The following LIFR variants were observed in gnomAD, a reference collection of about 807,000 sequenced individuals.
LIFR encodes the protein leukemia inhibitory factor receptor.
A neutral mutation model predicts 122.2 loss-of-function variants in LIFR; 84 were observed. The ratio of observed to expected loss-of-function variants is 0.69; its 90% CI spans 0.58 to 0.82. The LOEUF (loss-of-function observed/expected upper bound fraction) is 0.82. Ranked by LOEUF, LIFR falls within the 40% of genes least tolerant of loss-of-function variation. LIFR has a pLI of 0.00. For synonymous variants in LIFR, 422 were observed against 434.7 expected (o/e 0.97, Z 0.36); for missense variants, 1,294 against 1,311.6 (o/e 0.99, Z 0.21).
chr5:38,475,357 T>G lies in LIFR; in HGVS notation c.*6238A>C, dbSNP rs1239470445. On this transcript the variant is annotated 3_prime_UTR_variant, in exon 20 of 20. Coordinates refer to ENST00000453190, the MANE Select transcript of LIFR (RefSeq NM_001127671.2). ...TGTACTTCATCTATAGTTTTCTTCCTGTATAAGTGTATTGAAATGTTTCCT... is the reference window on the plus strand; with the variant it reads ...TGTACTTCATCTATAGTTTTCTTCCGGTATAAGTGTATTGAAATGTTTCCT... 5.1e-6 allele frequency: 1 copy of G among 196,012 alleles called. No individual in the cohort carries two copies. Among genetic ancestry groups the G allele is most frequent in the Non-Finnish European group, 1.1e-5 (1 of 94,256 alleles). The allele number at this position is 196,012 out of a possible 1,614,324, so 12.1% of individuals were successfully genotyped here. A position where few individuals can be genotyped will look rare whatever the true frequency, so the allele number is the denominator to read the frequency against.
chr5:38,492,170 G>A (rs1488755541), intron 14 of LIFR, among the ~76,000 whole-genome samples: 2 of 152,162 alleles, frequency 1.3e-5, no homozygotes, highest in African/African-American at 4.8e-5. Context: ...TTGAACCTGG[G>A]TTCTATCACA....
intron 14 of LIFR, chr5:38,490,616 C>A: frequency 7.9e-6 from 1 of 126,160 alleles, no homozygotes; most frequent in African/African-American, 3.5e-5. Flanking sequence ...TTTTTTTTTT[C>A]TTTGACGGAG....
chr5:38,535,601 T>C (rs533504719), intron 1 of LIFR, among the ~76,000 whole-genome samples: 172 of 152,284 alleles, frequency 1.1e-3, no homozygotes, highest in Non-Finnish European at 2.0e-3. Flanking sequence ...AGAAAGAGTT[T>C]GCTGACTTCT....
chr5:38,606,756 C>T (rs1027262486), intron 1 of LIFR, among the ~76,000 whole-genome samples: 3 of 152,228 alleles, frequency 2.0e-5, no homozygotes, highest in African/African-American at 7.2e-5. Flanking sequence ...GCCTGTCCCA[C>T]TGCCAAGCCC....
chr5:38,497,359 C>T (rs1343003221), intron 12 of LIFR, among the ~76,000 whole-genome samples: 1 of 152,166 alleles, frequency 6.6e-6, no homozygotes, highest in African/African-American at 2.4e-5. Context: ...CAGGGTAAAT[C>T]AGGAAAGAGA....
intron 4 of LIFR, among the ~76,000 whole-genome samples, chr5:38,525,421 A>AG (rs1351124320): frequency 3.3e-5 from 5 of 152,242 alleles, no homozygotes; most frequent in African/African-American, 9.6e-5. Context: ...GTGCAGGGCT[A>AG]GGGTAGCTGA....
chr5:38,506,099 T>C (rs772078181), intron 8 of LIFR, 25 bp from the exon 9 acceptor site: 2 of 1,487,854 alleles, frequency 1.3e-6, no homozygotes, highest in Admixed American at 3.5e-5. Context: ...AAAAATAATT[T>C]CAAAATGGCA....
chr5:38,487,024 A>G (rs1021132085), intron 16 of LIFR, among the ~76,000 whole-genome samples: 3 of 152,006 alleles, frequency 2.0e-5, no homozygotes, highest in African/African-American at 7.3e-5. Context: ...ATATCCTCCA[A>G]TGTACACTCA....
rs761229204 is a variant in LIFR, at chr5:38,502,742, A to T, written c.1495T>A (p.Leu499Ile). The T allele has an allele frequency of 5.6e-6, 9 of 1,611,028 alleles. No individual in the cohort carries two copies. The East Asian group carries it at 2.0e-4, about 36-fold the overall frequency. ...AAAGTATATAGAGTGTATGGATTTA[A>T]CTTGTCCAGAGCAACAAGATAACTT... ...NSSYLVALDK[L>I]NPYTLYTFRI... The change falls in exon 11 of 20, where the codon TTA becomes ATA. Residue 499 changes from leucine to isoleucine, a missense_variant. Transcript: ENST00000453190.
intron 2 of LIFR, among the ~76,000 whole-genome samples, chr5:38,529,516 C>T (rs1746884299): frequency 6.6e-6 from 1 of 151,982 alleles, no homozygotes; most frequent in African/African-American, 2.4e-5. Context: ...AGTAACAATT[C>T]AGAAGATTAC....
At chr5:38,575,481 G>A (rs1034636171) in intron 1 of LIFR, among the ~76,000 whole-genome samples, 11 of 152,134 alleles carry the variant, frequency 7.2e-5, no homozygotes, top group Admixed American at 1.3e-4. Flanking sequence ...ATCTGATGCC[G>A]TTGTCTGATG....
chr5:38,502,249 T>C (rs1325138010), intron 11 of LIFR, among the ~76,000 whole-genome samples: 1 of 152,042 alleles, frequency 6.6e-6, no homozygotes, highest in Non-Finnish European at 1.5e-5. Flanking sequence ...TTAAGGACTC[T>C]AATAGCATTT....
chr5:38,495,036 A>G, intron 13 of LIFR, among the ~76,000 whole-genome samples: 1 of 152,242 alleles, frequency 6.6e-6, no homozygotes, highest in East Asian at 1.9e-4. Context: ...CACTTCGGAC[A>G]TAACAGCTTT....
At chr5:38,582,656 T>C (rs1749624052) in intron 1 of LIFR, among the ~76,000 whole-genome samples, 1 of 152,228 alleles carries the variant, frequency 6.6e-6, no homozygotes, top group South Asian at 2.1e-4. Flanking sequence ...GTAAGCTTCA[T>C]CTTTAGTAAC....
intron 1 of LIFR, among the ~76,000 whole-genome samples, chr5:38,543,978 T>C (rs568470033): frequency 1.5e-3 from 231 of 152,100 alleles, no homozygotes; most frequent in African/African-American, 5.1e-3. Context: ...TCTCAAAATA[T>C]AGCTAATTTA....
intron 15 of LIFR, among the ~76,000 whole-genome samples, 187 bp downstream of exon 15, chr5:38,489,994 CAAAAAAAAA>C (rs58235156): frequency 4.0e-5 from 2 of 49,686 alleles, no homozygotes; most frequent in African/African-American, 7.9e-5. Context: ...GACCCTCTCT[CAAAAAAAAA>C]AAAAAAAAAA....
At chr5:38,499,338 G>A (rs193152589) in intron 12 of LIFR, among the ~76,000 whole-genome samples, 175 bp downstream of exon 12, 160 of 152,212 alleles carry the variant, frequency 1.1e-3, no homozygotes, top group African/African-American at 3.6e-3. Flanking sequence ...AATGACTGTG[G>A]GGAGTTAGGA....
At chr5:38,524,757 A>G (rs1345819634) in intron 4 of LIFR, among the ~76,000 whole-genome samples, 1 of 151,716 alleles carries the variant, frequency 6.6e-6, no homozygotes, top group African/African-American at 2.4e-5. Flanking sequence ...GCATGAACAC[A>G]AAGACATAAA....
chr5:38,482,469 GTATA>G, intron 19 of LIFR, 116 bp downstream of exon 19: 1 of 668,666 alleles, frequency 1.5e-6, no homozygotes, highest in Non-Finnish European at 2.6e-6. Context: ...ATGTTTTAAA[GTATA>G]TAATTTTCCC....
Sources: gnomAD v4.1 joint callset for allele counts (sites outside exome capture counted in the v4.1 genomes callset) on GRCh38, gnomAD v4.1.1 for gene constraint, MANE v1.5 for transcripts, NCBI Gene and HGNC (gene_info 2026-07-23, HGNC 2026-07-21) for gene names.